The following LIMS1 variants were observed in gnomAD, a reference collection of about 807,000 sequenced individuals.
LIMS1 encodes the protein LIM zinc finger domain containing 1, also known as LIM and senescent cell antigen-like-containing domain protein 1.
A neutral mutation model predicts 44.1 loss-of-function variants in LIMS1; 18 were observed. The ratio of observed to expected loss-of-function variants is 0.41; its 90% CI spans 0.28 to 0.61. The LOEUF (loss-of-function observed/expected upper bound fraction) is 0.61. Ranked by LOEUF, LIMS1 falls within the 20% of genes least tolerant of loss-of-function variation. The probability of loss-of-function intolerance (pLI) is 0.32; values close to 1 mark genes in which losing one functional copy is unlikely to be tolerated. For missense variants in LIMS1, 201 were observed against 422.0 expected (o/e 0.48, Z 4.59); for synonymous variants, 93 against 149.1 (o/e 0.62, Z 2.74).
intron 1 of LIMS1, among the ~76,000 whole-genome samples, chr2:108,552,685 G>A (rs1684799324): frequency 1.3e-5 from 2 of 151,008 alleles, no homozygotes; most frequent in East Asian, 1.9e-4. Context: ...GACCTCCCAG[G>A]CTGAAGCAAT....
At chr2:108,675,607 A>T (rs1460137072) in intron 5 of LIMS1, among the ~76,000 whole-genome samples, 1 of 152,216 alleles carries the variant, frequency 6.6e-6, no homozygotes, top group African/African-American at 2.4e-5. Flanking sequence ...TGATAATATA[A>T]GAAGGAAATT....
At chr2:108,595,434 G>A (rs1686628825) in intron 1 of LIMS1, among the ~76,000 whole-genome samples, 1 of 152,096 alleles carries the variant, frequency 6.6e-6, no homozygotes, top group African/African-American at 2.4e-5. Context: ...GTTTCAGACT[G>A]CTATTCCAGC....
exon 10 of LIMS1, chr2:108,685,198 G>T (rs1693236396): frequency 6.6e-6 from 1 of 152,144 alleles, no homozygotes; most frequent in African/African-American, 2.4e-5. Context: ...TTTACTGTAA[G>T]TAGGAGGTAT....
chr2:108,633,699 A>G (rs929236328), intron 1 of LIMS1, among the ~76,000 whole-genome samples: 3 of 152,270 alleles, frequency 2.0e-5, no homozygotes, highest in African/African-American at 7.2e-5. Context: ...TGGTTGGCCC[A>G]GAGTCATACA....
rs1303947527 is a variant in LIMS1, at chr2:108,607,328, C to T, written c.33-52277C>T. The T allele has an allele frequency of 2.9e-6, 4 of 1,386,634 alleles. No individual in the cohort carries two copies. The Admixed American group carries it at 7.9e-5, about 27-fold the overall frequency. The allele number at this position is 1,386,634 out of a possible 1,614,324, so 85.9% of individuals were successfully genotyped here. Reference sequence around the variant, plus strand: ...ACAAATAGAACATAATTGAGCACACCAGTTGTCTGGTATCTTCATCACATA... The same window carrying T: ...ACAAATAGAACATAATTGAGCACACTAGTTGTCTGGTATCTTCATCACATA... On this transcript the variant is annotated intron_variant, in intron 1 of 9. Transcript: ENST00000544547.
chr2:108,623,633 T>C (rs1688387660), intron 1 of LIMS1, among the ~76,000 whole-genome samples: 1 of 152,230 alleles, frequency 6.6e-6, no homozygotes, highest in Non-Finnish European at 1.5e-5. Flanking sequence ...CCACCTAGGT[T>C]TGGGCATATT....
At chr2:108,608,307 C>CTT (rs113575713) in intron 1 of LIMS1, among the ~76,000 whole-genome samples, 13 of 140,752 alleles carry the variant, frequency 9.2e-5, no homozygotes, top group Non-Finnish European at 1.2e-4. Flanking sequence ...TTTTCACTCA[C>CTT]TTTTTTTTTT....
At chr2:108,581,990 T>G (rs1685905898) in intron 1 of LIMS1, among the ~76,000 whole-genome samples, 1 of 152,158 alleles carries the variant, frequency 6.6e-6, no homozygotes, top group Non-Finnish European at 1.5e-5. Flanking sequence ...CACTGTTTTC[T>G]TGATATAGTC....
intron 1 of LIMS1, among the ~76,000 whole-genome samples, chr2:108,571,604 T>C (rs1685482405): frequency 6.6e-6 from 1 of 152,220 alleles, no homozygotes; most frequent in South Asian, 2.1e-4. Context: ...TACCTTACAT[T>C]GGAATAGCAT....
intron 1 of LIMS1, among the ~76,000 whole-genome samples, chr2:108,594,819 C>G (rs1436105020): frequency 6.6e-6 from 1 of 152,084 alleles, no homozygotes; most frequent in Non-Finnish European, 1.5e-5. Context: ...TAAAGTCCAT[C>G]TGAATTCAGA....
intron 5 of LIMS1, chr2:108,674,066 A>C (rs1162104116): frequency 1.3e-5 from 2 of 151,972 alleles, no homozygotes; most frequent in Admixed American, 1.3e-4. Context: ...GGTGGCTCAC[A>C]CCTGTAATCC....
rs930457855 is a variant in LIMS1 at position 108,639,822 on chromosome 2, G to A, written c.33-19783G>A. Among the ~76,000 whole-genome samples, 6 of 152,296 alleles carry A rather than the reference G, an allele frequency of 3.9e-5. No individual in the cohort carries two copies. In the South Asian group the frequency reaches 1.0e-3, roughly 26 times the overall value. ...TTGTTTCCAGTTGGCAGGAATATGCGTGATTCTTCTCTGCCTTTCATACAT... is the reference window on the plus strand; with the variant it reads ...TTGTTTCCAGTTGGCAGGAATATGCATGATTCTTCTCTGCCTTTCATACAT... On this transcript the variant is annotated intron_variant, in intron 1 of 9. Transcript: ENST00000544547.
intron 1 of LIMS1, among the ~76,000 whole-genome samples, chr2:108,536,806 G>T (rs1265527976): frequency 6.6e-6 from 1 of 152,082 alleles, no homozygotes; most frequent in Non-Finnish European, 1.5e-5. Context: ...TAGTCTGGGG[G>T]TCCCAAACTC....
At chr2:108,616,361 G>A (rs1482882867) in intron 1 of LIMS1, among the ~76,000 whole-genome samples, 3 of 151,910 alleles carry the variant, frequency 2.0e-5, no homozygotes, top group African/African-American at 7.3e-5. Context: ...ACAGGCACTC[G>A]CCACCACGCC....
intron 1 of LIMS1, among the ~76,000 whole-genome samples, chr2:108,571,951 G>A (rs777654483): frequency 5.9e-5 from 9 of 152,062 alleles, no homozygotes; most frequent in African/African-American, 1.7e-4. Flanking sequence ...AGGAACCATG[G>A]GCCCTTATAT....
intron 7 of LIMS1, chr2:108,677,030 G>A: frequency 4.2e-6 from 1 of 236,112 alleles, no homozygotes; most frequent in South Asian, 9.9e-5. Flanking sequence ...AAATACTTCA[G>A]TGTATATTTC....
chr2:108,566,828 C>G (rs1047220882), intron 1 of LIMS1, among the ~76,000 whole-genome samples: 4 of 152,100 alleles, frequency 2.6e-5, no homozygotes, highest in Non-Finnish European at 5.9e-5. Context: ...AACTCCTGAC[C>G]TCAGGTGATG....
intron 1 of LIMS1, among the ~76,000 whole-genome samples, chr2:108,549,494 C>T (rs1464741822): frequency 2.6e-5 from 4 of 151,630 alleles, no homozygotes; most frequent in Non-Finnish European, 4.4e-5. Context: ...AGGGTTTCCC[C>T]ATGTTGGCCA....
At chr2:108,645,317 G>T (rs916787577) in intron 1 of LIMS1, among the ~76,000 whole-genome samples, 14 of 152,188 alleles carry the variant, frequency 9.2e-5, no homozygotes, top group Non-Finnish European at 1.9e-4. Context: ...CTACAAGCCA[G>T]AAGAGAGTGG....
Sources: allele counts gnomAD v4.1 joint callset (sites outside exome capture counted in the v4.1 genomes callset), GRCh38; gene constraint gnomAD v4.1.1; transcripts MANE v1.5; gene names NCBI Gene and HGNC (gene_info 2026-07-23, HGNC 2026-07-21).